The following NDUFA2 variants were observed in gnomAD, a reference collection of about 807,000 sequenced individuals.
NDUFA2 encodes the protein NADH dehydrogenase [ubiquinone] 1 alpha subcomplex subunit 2.
NDUFA2 carries 9 observed loss-of-function variants against 11.4 expected under a neutral mutation model. The observed-to-expected ratio is 0.79, with a 90% CI of 0.48 to 1.38. The LOEUF is 1.38. NDUFA2 is among the 40% of genes most tolerant of loss of function. NDUFA2 has a pLI of 0.00. For missense variants in NDUFA2, 150 were observed against 131.2 expected (o/e 1.14, Z -0.70); for synonymous variants, 49 against 54.0 (o/e 0.91, Z 0.41).
rs60313457 is a variant in NDUFA2 at position 140,645,495 on chromosome 5, T to C, written c.*92A>G. ...AAAGTATTTTACAGCACAAGCTTTA[T>C]GAGGAATAGGAGAACACATTTTTTT... is the stretch of plus-strand genomic sequence containing the variant. On this transcript the variant is annotated 3_prime_UTR_variant, in exon 3 of 3. Coordinates refer to ENST00000252102, the MANE Select transcript of NDUFA2 (RefSeq NM_002488.5). The C allele has an allele frequency of 6.0e-4, 895 of 1,504,042 alleles. 2 individuals are homozygous for C. In the African/African-American group the frequency reaches 0.011, roughly 18 times the overall value. The allele number at this position is 1,504,042 out of a possible 1,614,324, so 93.2% of individuals were successfully genotyped here.
chr5:140,647,345 C>A lies in NDUFA2; in HGVS notation c.119G>T (p.Arg40Leu). 6.2e-7 allele frequency: 1 copy of A among 1,608,694 alleles called. No homozygotes were observed. Among genetic ancestry groups the A allele is most frequent in the Non-Finnish European group, 8.5e-7 (1 of 1,176,276 alleles). Residue 40 changes from arginine to leucine, a missense_variant, in exon 2 of 3, where the codon CGC becomes CTC. Arg to Leu is a moderately radical substitution (Grantham distance 102). Transcript: ENST00000252102. ...ATTCGCCTTCTTCAGCTCCACGTAG[C>A]GTTTCTCAATGAAGTCCCTGCGGGG... Reference protein sequence around the residue: ...SQGVRDFIEKRYVELKKANPD... With the variant: ...SQGVRDFIEKLYVELKKANPD...
rs35672074 is a variant in NDUFA2 at position 140,647,544 on chromosome 5, G to A, written c.40C>T (p.Leu14=). 21 of 1,611,970 alleles carry A rather than the reference G, an allele frequency of 1.3e-5. No individual in the cohort carries two copies. Among genetic ancestry groups the A allele is most frequent in the Non-Finnish European group, 1.7e-5 (20 of 1,180,012 alleles). ...AAASRGVGAK[L]GLREIRIHLC... is the part of the protein sequence containing the mutation. ...TGGATGCGAATCTCACGCAGGCCCAGCTTTGCCCCGACTCCTCGACTTGCT... is the reference window on the plus strand; with the variant it reads ...TGGATGCGAATCTCACGCAGGCCCAACTTTGCCCCGACTCCTCGACTTGCT... The change falls in exon 1 of 3, where the codon CTG becomes TTG. Residue 14 remains leucine (L), a synonymous_variant. Coordinates refer to ENST00000252102, the MANE Select transcript of NDUFA2 (RefSeq NM_002488.5).
rs748184129 is a variant in NDUFA2 at position 140,647,355 on chromosome 5, T to A, written c.109A>T (p.Ile37Phe). 6.2e-7 allele frequency: 1 copy of A among 1,609,932 alleles called. No homozygotes were observed. The highest frequency in any genetic ancestry group is 8.5e-7 in the Non-Finnish European group (1 of 1,177,092). Reference protein sequence around the residue: ...SPGSQGVRDFIEKRYVELKKA... With the variant: ...SPGSQGVRDFFEKRYVELKKA... ...TTCAGCTCCACGTAGCGTTTCTCAATGAAGTCCCTGCGGGGCCGGAGAGAG... is the reference window on the plus strand; with the variant it reads ...TTCAGCTCCACGTAGCGTTTCTCAAAGAAGTCCCTGCGGGGCCGGAGAGAG... The change falls in exon 2 of 3, where the codon ATT becomes TTT. Residue 37 changes from isoleucine to phenylalanine, a missense_variant. Coordinates refer to ENST00000252102, the MANE Select transcript of NDUFA2 (RefSeq NM_002488.5).
In NDUFA2 at chr5:140,645,509, AC is replaced by A; in HGVS notation, c.*77del. 1.9e-6 allele frequency: 3 copies of A among 1,558,176 alleles called. No individual in the cohort carries two copies. Among genetic ancestry groups the A allele is most frequent in the Non-Finnish European group, 2.6e-6 (3 of 1,133,088 alleles). On this transcript the variant is annotated 3_prime_UTR_variant, in exon 3 of 3. Coordinates refer to ENST00000252102, the MANE Select transcript of NDUFA2 (RefSeq NM_002488.5). ...CACAAGCTTTATGAGGAATAGGAGA[AC>A]ACATTTTTTTCACATTATACTAAGT...
At position 140,647,256 on chromosome 5, in the gene NDUFA2, CGT is replaced by C. The variant is rs1561965434; in HGVS notation, c.206_207del (p.Tyr69CysfsTer16). ...CAGACCCCTGGCGTCCCGCACTCAC[CGT>C]AGCGGGCCCAGAGCTTGGGCTGCAC... ...SDVQPKLWAR[Y>X]AFGQETNVPL... On this transcript the variant is annotated frameshift_variant and splice_region_variant, in exon 2 of 3. Coordinates refer to ENST00000252102, the MANE Select transcript of NDUFA2 (RefSeq NM_002488.5). LOFTEE classifies it high-confidence loss of function. 1 of 1,544,798 alleles carries C rather than the reference CGT, an allele frequency of 6.5e-7. No individual in the cohort carries two copies. Among genetic ancestry groups the C allele is most frequent in the Non-Finnish European group, 8.7e-7 (1 of 1,145,718 alleles).
At position 140,647,370 on chromosome 5, in the gene NDUFA2, G is replaced by T; in HGVS notation, c.102-8C>A. On this transcript the variant is annotated splice_region_variant and splice_polypyrimidine_tract_variant and intron_variant, in intron 1 of 2. Transcript: ENST00000252102. ...CGTTTCTCAATGAAGTCCCTGCGGGGCCGGAGAGAGCGCCGCGCGTGCTGT... is the reference window on the plus strand; with the variant it reads ...CGTTTCTCAATGAAGTCCCTGCGGGTCCGGAGAGAGCGCCGCGCGTGCTGT... The T allele has an allele frequency of 6.2e-7, 1 of 1,611,206 alleles. No individual in the cohort carries two copies. The highest frequency in any genetic ancestry group is 8.5e-7 in the Non-Finnish European group (1 of 1,177,918).
Position 140,645,899 on chromosome 5 carries a change from G to A in NDUFA2, c.209-221C>T, listed in dbSNP as rs778591. ...GAATTTTGGCTGATTCTGGATGGCC[G>A]CAATGGGTTGTTTCAGGGAAGCTTT... On this transcript the variant is annotated intron_variant, in intron 2 of 2. Coordinates refer to ENST00000252102, the MANE Select transcript of NDUFA2 (RefSeq NM_002488.5). Among the ~76,000 whole-genome samples, 65,395 of 151,920 alleles carry A rather than the reference G, an allele frequency of 0.43. 14,227 individuals are homozygous for A. The highest frequency in any genetic ancestry group is 0.46 in the East Asian group (2,381 of 5,174).
At position 140,646,239 on chromosome 5, in the gene NDUFA2, G is replaced by A. The variant is rs184040783; in HGVS notation, c.209-561C>T. On this transcript the variant is annotated intron_variant, in intron 2 of 2. Coordinates refer to ENST00000252102, the MANE Select transcript of NDUFA2 (RefSeq NM_002488.5). ...TTGGCCAGGCTGGTCTTGAACTCCT[G>A]ACCTCAGGTGATCCACCTGCTTCAG... is the stretch of plus-strand genomic sequence containing the variant. Among the ~76,000 whole-genome samples the A allele has an allele frequency of 1.9e-3, 288 of 152,244 alleles. 1 individual carries two copies. The highest frequency in any genetic ancestry group is 6.6e-3 in the African/African-American group (273 of 41,538).
In NDUFA2 at chr5:140,647,506, G is replaced by T. The variant is rs1394010286; in HGVS notation, c.78C>A (p.Arg26=). The change falls in exon 1 of 3, where the codon CGC becomes CGA. Residue 26 remains arginine (R), a synonymous_variant. Transcript: ENST00000252102. ...LREIRIHLCQ[R]SPGSQGVRDF... ...ACCTGACGCCCTGGCTGCCGGGCGA[G>T]CGCTGACATAAGTGGATGCGAATCT... The T allele has an allele frequency of 6.2e-7, 1 of 1,612,600 alleles. No individual in the cohort carries two copies. Among genetic ancestry groups the T allele is most frequent in the Non-Finnish European group, 8.5e-7 (1 of 1,179,986 alleles).
rs1581475463 is a variant in NDUFA2, at chr5:140,646,957, T to C, written c.208+299A>G. The C allele has an allele frequency of 6.2e-5, 19 of 308,450 alleles. No homozygotes were observed. The East Asian group carries it at 1.2e-3, about 20-fold the overall frequency. The allele number at this position is 308,450 out of a possible 1,614,324, so 19.1% of individuals were successfully genotyped here. A position where few individuals can be genotyped will look rare whatever the true frequency, so the allele number is the denominator to read the frequency against. On this transcript the variant is annotated intron_variant, in intron 2 of 2. Coordinates refer to ENST00000252102, the MANE Select transcript of NDUFA2 (RefSeq NM_002488.5). ...CTGGACTGACACTGGCTACACGTTA[T>C]TTGGAGAAACTATATTGACTAACTT...
chr5:140,647,453 G>A (rs899800350), intron 1 of NDUFA2, 30 bp downstream of exon 1: 1 of 1,605,660 alleles, frequency 6.2e-7, no homozygotes, highest in Non-Finnish European at 8.5e-7. Flanking sequence ...GCGTCCCGAA[G>A]CCCGCCCGCC....
Position 140,647,600 on chromosome 5 carries a change from G to A in NDUFA2, c.-17C>T, listed in dbSNP as rs372239752. 8 of 1,607,582 alleles carry A rather than the reference G, an allele frequency of 5.0e-6. No homozygotes were observed. The highest frequency in any genetic ancestry group is 2.2e-5 in the South Asian group (2 of 90,826). On this transcript the variant is annotated 5_prime_UTR_variant, in exon 1 of 3. Coordinates refer to ENST00000252102, the MANE Select transcript of NDUFA2 (RefSeq NM_002488.5). ...CGCCGCCATCCTTGTTAATATCGAA[G>A]TCGCCAATTCCAGGTCTTCAGGCCA...
chr5:140,645,622 T>C lies in NDUFA2; in HGVS notation c.265A>G (p.Arg89Gly). The change falls in exon 3 of 3, where the codon AGA becomes GGA. Residue 89 changes from arginine (R) to glycine (G), a missense_variant. Physicochemically the swap from Arg to Gly is moderately radical, Grantham distance 125. Coordinates refer to ENST00000252102, the MANE Select transcript of NDUFA2 (RefSeq NM_002488.5). ...CCACTTAGAACGTTCTCCAGGGCTC[T>C]GGTTACCTGATCAGCACTGAAGTTG... Reference protein sequence around the residue: ...LNNFSADQVTRALENVLSGKA With the variant: ...LNNFSADQVTGALENVLSGKA 1 of 1,614,232 alleles carries C rather than the reference T, an allele frequency of 6.2e-7. No homozygotes were observed. Among genetic ancestry groups the C allele is most frequent in the South Asian group, 1.1e-5 (1 of 91,082 alleles).
rs988215320 is a variant in NDUFA2 at position 140,647,588 on chromosome 5, G to A, written c.-5C>T. 7 of 1,609,288 alleles carry A rather than the reference G, an allele frequency of 4.3e-6. No homozygotes were observed. Among genetic ancestry groups the A allele is most frequent in the Non-Finnish European group, 5.9e-6 (7 of 1,179,826 alleles). Reference sequence around the variant, plus strand: ...ACTTGCTGCGGCCGCCGCCATCCTTGTTAATATCGAAGTCGCCAATTCCAG... The same window carrying A: ...ACTTGCTGCGGCCGCCGCCATCCTTATTAATATCGAAGTCGCCAATTCCAG... On this transcript the variant is annotated 5_prime_UTR_variant, in exon 1 of 3. Transcript: ENST00000252102.
chr5:140,646,624 T>C (rs1193910557), intron 2 of NDUFA2, among the ~76,000 whole-genome samples: 1 of 152,190 alleles, frequency 6.6e-6, no homozygotes, highest in Non-Finnish European at 1.5e-5. Context: ...TACAATGTGT[T>C]AGGCAACATG....
At position 140,647,565 on chromosome 5, in the gene NDUFA2, T is replaced by C. The variant is rs779028375; in HGVS notation, c.19A>G (p.Ser7Gly). ...CCCAGCTTTGCCCCGACTCCTCGAC[T>C]TGCTGCGGCCGCCGCCATCCTTGTT... MAAAAA[S>G]RGVGAKLGLR... Residue 7 changes from serine (S) to glycine (G), a missense_variant, in exon 1 of 3, where the codon AGT (serine) becomes GGT (glycine). Coordinates refer to ENST00000252102, the MANE Select transcript of NDUFA2 (RefSeq NM_002488.5). 1.9e-6 allele frequency: 3 copies of C among 1,611,134 alleles called. No homozygotes were observed. In the Middle Eastern group the frequency reaches 4.9e-4, roughly 266 times the overall value.
At chr5:140,646,005 CT>C (rs1161046912) in intron 2 of NDUFA2, among the ~76,000 whole-genome samples, 1 of 141,890 alleles carries the variant, frequency 7.0e-6, no homozygotes, top group Non-Finnish European at 1.5e-5. Flanking sequence ...AGCCCATTCT[CT>C]CTCTTTTTTT....
In NDUFA2 at chr5:140,647,375, A is replaced by G. The variant is rs767961780; in HGVS notation, c.102-13T>C. The G allele has an allele frequency of 3.1e-6, 5 of 1,611,070 alleles. No individual in the cohort carries two copies. Among genetic ancestry groups the G allele is most frequent in the Non-Finnish European group, 4.2e-6 (5 of 1,177,936 alleles). On this transcript the variant is annotated splice_polypyrimidine_tract_variant and intron_variant, in intron 1 of 2. Transcript: ENST00000252102. ...CTCAATGAAGTCCCTGCGGGGCCGG[A>G]GAGAGCGCCGCGCGTGCTGTGGGCG...
In NDUFA2 at chr5:140,645,402, T is replaced by G. The variant is rs1297417274; in HGVS notation, c.*185A>C. On this transcript the variant is annotated 3_prime_UTR_variant, in exon 3 of 3. Coordinates refer to ENST00000252102, the MANE Select transcript of NDUFA2 (RefSeq NM_002488.5). ...ACAGAATAAAGTTTTATTTTTATATTAAGCTACTTTGCCTCAGTGGTTGCA... is the reference window on the plus strand; with the variant it reads ...ACAGAATAAAGTTTTATTTTTATATGAAGCTACTTTGCCTCAGTGGTTGCA... 3 of 824,560 alleles carry G rather than the reference T, an allele frequency of 3.6e-6. No homozygotes were observed. Among genetic ancestry groups the G allele is most frequent in the Non-Finnish European group, 6.0e-6 (3 of 498,054 alleles). 51.1% of individuals were successfully genotyped at this position (824,560 alleles called of 1,614,324 possible).
Sources: gnomAD v4.1 joint callset for allele counts (sites outside exome capture counted in the v4.1 genomes callset) on GRCh38, gnomAD v4.1.1 for gene constraint, MANE v1.5 for transcripts, NCBI Gene and HGNC (gene_info 2026-07-23, HGNC 2026-07-21) for gene names.